The following MAP2K5 variants were observed in gnomAD, a reference collection of about 807,000 sequenced individuals.
MAP2K5 encodes dual specificity mitogen-activated protein kinase kinase 5.
MAP2K5 carries 49 observed loss-of-function variants against 83.1 expected under a neutral mutation model. The ratio of observed to expected loss-of-function variants is 0.59; its 90% CI spans 0.47 to 0.75. The LOEUF (loss-of-function observed/expected upper bound fraction) is 0.75, where lower values mean the gene tolerates loss of function less well. Ranked by LOEUF, MAP2K5 falls within the 30% of genes least tolerant of loss-of-function variation. The pLI, the probability that MAP2K5 is intolerant of heterozygous loss-of-function variation, is 0.00. For missense variants in MAP2K5, 457 were observed against 557.5 expected (o/e 0.82, Z 1.82); for synonymous variants, 202 against 191.8 (o/e 1.05, Z -0.44).
chr15:67,765,888 C>A lies in MAP2K5; in HGVS notation c.1135-3714C>A, dbSNP rs187163804. On this transcript the variant is annotated intron_variant, in intron 19 of 21. Coordinates refer to ENST00000178640, the MANE Select transcript of MAP2K5 (RefSeq NM_145160.3). ...CATACATTAAGCATTCTGAACTTGTCCTTTTGCTCATAGATTGTGCATAAT... is the reference window on the plus strand; with the variant it reads ...CATACATTAAGCATTCTGAACTTGTACTTTTGCTCATAGATTGTGCATAAT... Among the ~76,000 whole-genome samples, 344 of 152,302 alleles carry A rather than the reference C, an allele frequency of 2.3e-3. 9 individuals are homozygous for A. Among genetic ancestry groups the A allele is most frequent in the Admixed American group, 0.021 (319 of 15,294 alleles).
At chr15:67,693,367 T>C (rs2088164158) in intron 14 of MAP2K5, 151 bp from the exon 15 acceptor site, 6 of 641,916 alleles carry the variant, frequency 9.3e-6, no homozygotes, top group South Asian at 8.8e-5. Context: ...GATTTAATCA[T>C]TTTTATTGCC....
At chr15:67,548,924 A>G in intron 1 of MAP2K5, 1 of 879,972 alleles carries the variant, frequency 1.1e-6, no homozygotes, top group Non-Finnish European at 1.6e-6. Flanking sequence ...AAAAAAAAAA[A>G]AAGCACTATA....
chr15:67,595,444 G>A (rs1254952021), intron 7 of MAP2K5, among the ~76,000 whole-genome samples: 3 of 152,190 alleles, frequency 2.0e-5, no homozygotes, highest in African/African-American at 7.2e-5. Flanking sequence ...CAAAGGTCTA[G>A]TGATGGGACT....
At chr15:67,670,907 T>C (rs896280537) in intron 13 of MAP2K5, among the ~76,000 whole-genome samples, 5 of 152,162 alleles carry the variant, frequency 3.3e-5, no homozygotes, top group African/African-American at 9.7e-5. Context: ...CCGATTTTTT[T>C]CCCCAGAGAT....
chr15:67,560,164 G>A (rs1201975357), intron 2 of MAP2K5, among the ~76,000 whole-genome samples: 5 of 152,284 alleles, frequency 3.3e-5, no homozygotes, highest in East Asian at 1.9e-4. Context: ...CTAACTTTTC[G>A]TAGCTGTCAA....
intron 16 of MAP2K5, among the ~76,000 whole-genome samples, chr15:67,723,246 AT>A (rs1177632560): frequency 2.0e-5 from 3 of 152,150 alleles, no homozygotes; most frequent in African/African-American, 7.2e-5. Flanking sequence ...CGTGTTATAT[AT>A]TTGGCAATTG....
chr15:67,611,743 A>G (rs902728894), intron 8 of MAP2K5, among the ~76,000 whole-genome samples: 1 of 152,224 alleles, frequency 6.6e-6, no homozygotes, highest in African/African-American at 2.4e-5. Context: ...TTTAATTCTT[A>G]GTCCTTTCCC....
rs1258603280 is a variant in MAP2K5 at position 67,690,719 on chromosome 15, A to G, written c.848-1760A>G. 6.6e-6 allele frequency among the ~76,000 whole-genome samples: 1 copy of G among 152,004 alleles called. No homozygotes were observed. The highest frequency in any genetic ancestry group is 1.5e-5 in the Non-Finnish European group (1 of 68,000). ...CGGCTAATTTTTGTATTTTTAGTAGAGATGAGGTTTTGCCATGTTGGCCAG... is the reference window on the plus strand; with the variant it reads ...CGGCTAATTTTTGTATTTTTAGTAGGGATGAGGTTTTGCCATGTTGGCCAG... On this transcript the variant is annotated intron_variant, in intron 13 of 21. Coordinates refer to ENST00000178640, the MANE Select transcript of MAP2K5 (RefSeq NM_145160.3). The surrounding 1 kb of genome is among the most constrained non-coding windows in gnomAD (Gnocchi z 4.3).
intron 3 of MAP2K5, among the ~76,000 whole-genome samples, chr15:67,574,201 C>T (rs2085006753): frequency 6.6e-6 from 1 of 152,096 alleles, no homozygotes; most frequent in Non-Finnish European, 1.5e-5. Flanking sequence ...GGGGGCTGTT[C>T]CTTGTGAAAG....
intron 13 of MAP2K5, among the ~76,000 whole-genome samples, chr15:67,674,602 T>C (rs1258068239): frequency 1.3e-5 from 2 of 152,204 alleles, no homozygotes; most frequent in Non-Finnish European, 2.9e-5. Flanking sequence ...CCCATATTGG[T>C]CATTCATTCT....
chr15:67,551,371 TG>T (rs2084507186), intron 2 of MAP2K5, among the ~76,000 whole-genome samples: 1 of 152,088 alleles, frequency 6.6e-6, no homozygotes, highest in African/African-American at 2.4e-5. Context: ...GATCTTGCCT[TG>T]GTGCCTAGAC....
Position 67,642,453 on chromosome 15 carries a change from A to C in MAP2K5, c.586-3778A>C, listed in dbSNP as rs1278369598. 3.1e-6 allele frequency: 5 copies of C among 1,611,134 alleles called. No individual in the cohort carries two copies. In the South Asian group the frequency reaches 5.5e-5, roughly 18 times the overall value. On this transcript the variant is annotated intron_variant, in intron 9 of 21. Coordinates refer to ENST00000178640, the MANE Select transcript of MAP2K5 (RefSeq NM_145160.3). ...TGCATGCTCAAGGCAGAATGTACAT[A>C]TTGAGGGCCAGAGCTAGAGATGAAT...
At chr15:67,582,598 T>C (rs1268992126) in intron 4 of MAP2K5, among the ~76,000 whole-genome samples, 1 of 152,062 alleles carries the variant, frequency 6.6e-6, no homozygotes, top group East Asian at 1.9e-4. Context: ...GGCAGGTGGA[T>C]TGCTTGAGCT....
chr15:67,607,776 T>C (rs569419692), intron 8 of MAP2K5, among the ~76,000 whole-genome samples: 3 of 152,224 alleles, frequency 2.0e-5, no homozygotes, highest in Non-Finnish European at 4.4e-5. Context: ...GTTTTATTGC[T>C]TGGAAAAGGG....
In MAP2K5 at chr15:67,652,805, T is replaced by A. The variant is rs1437828438; in HGVS notation, c.737-5748T>A. On this transcript the variant is annotated intron_variant, in intron 11 of 21. Transcript: ENST00000178640. The surrounding 1 kb of genome is among the most constrained non-coding windows in gnomAD (Gnocchi z 4.2). ...ATAAGAACTCCTCATTCACCCCCGCTCCCAGCCCCTGGCAAACAGCATTAT... is the reference window on the plus strand; with the variant it reads ...ATAAGAACTCCTCATTCACCCCCGCACCCAGCCCCTGGCAAACAGCATTAT... 6.6e-6 allele frequency among the ~76,000 whole-genome samples: 1 copy of A among 152,158 alleles called. No homozygotes were observed. Among genetic ancestry groups the A allele is most frequent in the Non-Finnish European group, 1.5e-5 (1 of 68,014 alleles).
intron 8 of MAP2K5, among the ~76,000 whole-genome samples, chr15:67,610,369 T>C (rs1384977157): frequency 2.6e-5 from 4 of 152,190 alleles, no homozygotes. Flanking sequence ...AATCCCTGGA[T>C]TAAATGTATG....
intron 9 of MAP2K5, among the ~76,000 whole-genome samples, chr15:67,632,097 A>ATT (rs35811067): frequency 0.26 from 36,592 of 140,816 alleles, 5,573 homozygotes; most frequent in East Asian, 0.59. Flanking sequence ...ATTATGCTAG[A>ATT]TTTTTTTTTT....
intron 8 of MAP2K5, chr15:67,628,414 T>A (rs1336999556): frequency 3.7e-6 from 2 of 544,316 alleles, no homozygotes; most frequent in Non-Finnish European, 6.4e-6. Flanking sequence ...CAGGAGGCAG[T>A]GGCTGTGGTG....
At chr15:67,578,748 C>A (rs925324325) in intron 3 of MAP2K5, among the ~76,000 whole-genome samples, 4 of 151,946 alleles carry the variant, frequency 2.6e-5, no homozygotes, top group Admixed American at 6.6e-5. Flanking sequence ...AAAGGAAAAC[C>A]ATTTTTATTT....
Sources: gnomAD v4.1 joint callset for allele counts (sites outside exome capture counted in the v4.1 genomes callset) on GRCh38, gnomAD v4.1.1 for gene constraint, Gnocchi (gnomAD v3.1) non-coding constraint, MANE v1.5 for transcripts, NCBI Gene and HGNC (gene_info 2026-07-23, HGNC 2026-07-21) for gene names.